CEP83: variants seen among roughly 807,000 people sequenced by gnomAD.
CEP83 encodes centrosomal protein of 83 kDa.
Under a neutral mutation model 101.9 loss-of-function variants are expected in CEP83, and 70 were observed. The observed-to-expected ratio is 0.69, with a 90% CI of 0.57 to 0.84. The LOEUF is 0.84. Among genes scored for constraint, CEP83 ranks in the 40% least tolerant of loss-of-function variants. CEP83 has a pLI of 0.00. For synonymous variants in CEP83, 264 were observed against 267.9 expected (o/e 0.99, Z 0.14); for missense variants, 715 against 787.2 (o/e 0.91, Z 1.10).
At chr12:94,394,501 A>G (rs1327894301) in intron 6 of CEP83, among the ~76,000 whole-genome samples, 1 of 152,234 alleles carries the variant, frequency 6.6e-6, no homozygotes, top group Non-Finnish European at 1.5e-5. Flanking sequence ...CTTAAATGTT[A>G]GACCTAAAAC....
At chr12:94,294,718 GAAGGA>G in the CEP83 span, among the ~76,000 whole-genome samples, 13 of 152,340 alleles carry the variant, frequency 8.5e-5, no homozygotes, top group East Asian at 1.9e-3. Context: ...ATCCCTGCAA[GAAGGA>G]AAGGAAACTA....
the CEP83 span, among the ~76,000 whole-genome samples, chr12:94,292,803 C>T: frequency 6.6e-6 from 1 of 152,194 alleles, no homozygotes; most frequent in Admixed American, 6.5e-5. Flanking sequence ...CTTGTGGCAC[C>T]ACGTTAGCAC....
chr12:94,355,102 C>CA (rs1429663311), intron 11 of CEP83, among the ~76,000 whole-genome samples: 1 of 151,916 alleles, frequency 6.6e-6, no homozygotes, highest in Non-Finnish European at 1.5e-5. Flanking sequence ...ACCACAAAAG[C>CA]AGAATTAAGA....
rs542274719 is a variant in CEP83 at position 94,370,034 on chromosome 12, T to C, written c.936A>G (p.Val312=). 62 of 1,545,314 alleles carry C rather than the reference T, an allele frequency of 4.0e-5. 1 individual carries two copies. In the South Asian group the frequency reaches 6.6e-4, roughly 17 times the overall value. ...EREINTLSSK[V]KELKHSNKLE... ...GTTTGTTTGAATGTTTAAGTTCTTT[T>C]ACCTGTTGATAATTAAAAACTGAAA... Residue 312 remains valine (V), a splice_region_variant and synonymous_variant, in exon 9 of 17, where the codon GTA becomes GTG. Coordinates refer to ENST00000397809, the MANE Select transcript of CEP83 (RefSeq NM_016122.3).
chr12:94,347,695 C>T (rs186094520), intron 11 of CEP83, among the ~76,000 whole-genome samples: 21 of 152,196 alleles, frequency 1.4e-4, no homozygotes, highest in Non-Finnish European at 2.2e-4. Context: ...AATCATATTA[C>T]GTTTATACAA....
At chr12:94,301,024 T>C in the CEP83 span, 19 of 1,613,818 alleles carry the variant, frequency 1.2e-5, no homozygotes, top group Non-Finnish European at 1.5e-5. Flanking sequence ...CATTCATGGA[T>C]GCATTTTCTC....
the CEP83 span, chr12:94,278,094 CTTCT>C: frequency 2.2e-6 from 1 of 455,474 alleles, no homozygotes; most frequent in African/African-American, 2.0e-5. Context: ...GAGCATCTTC[CTTCT>C]GTCTTCTCCC....
At chr12:94,289,899 C>G in the CEP83 span, among the ~76,000 whole-genome samples, 1 of 152,202 alleles carries the variant, frequency 6.6e-6, no homozygotes, top group Non-Finnish European at 1.5e-5. Flanking sequence ...TACACTTGCT[C>G]TTGGGAGATA....
intron 6 of CEP83, among the ~76,000 whole-genome samples, chr12:94,397,095 G>A (rs1244943646): frequency 1.3e-5 from 2 of 152,170 alleles, no homozygotes; most frequent in Non-Finnish European, 1.5e-5. Context: ...CAATTGGGAA[G>A]TAAAATGAAA....
At chr12:94,348,874 C>G (rs2060069336) in intron 11 of CEP83, among the ~76,000 whole-genome samples, 2 of 152,176 alleles carry the variant, frequency 1.3e-5, no homozygotes, top group Non-Finnish European at 2.9e-5. Context: ...AAAGTTTTGC[C>G]TCATCTGCCA....
At chr12:94,331,449 C>A (rs545128721) in intron 14 of CEP83, among the ~76,000 whole-genome samples, 1 of 130,660 alleles carries the variant, frequency 7.7e-6, no homozygotes, top group Admixed American at 9.2e-5. Context: ...TCACTATAAG[C>A]TCTGCCTCCC....
At chr12:94,384,231 A>C (rs924298676) in intron 6 of CEP83, among the ~76,000 whole-genome samples, 8 of 152,186 alleles carry the variant, frequency 5.3e-5, no homozygotes, top group African/African-American at 1.9e-4. Flanking sequence ...TTATGAGTTG[A>C]CAGTCCTTAT....
At chr12:94,362,662 C>A (rs758124919) in intron 11 of CEP83, among the ~76,000 whole-genome samples, 3 of 152,098 alleles carry the variant, frequency 2.0e-5, no homozygotes, top group Non-Finnish European at 4.4e-5. Flanking sequence ...AGAACTACCA[C>A]AGGACCCAGA....
intron 7 of CEP83, among the ~76,000 whole-genome samples, chr12:94,377,142 G>A (rs1160674782): frequency 1.3e-5 from 2 of 152,084 alleles, no homozygotes; most frequent in African/African-American, 4.8e-5. Flanking sequence ...TTATGATGGG[G>A]TTACATCCTG....
the CEP83 span, chr12:94,294,647 T>A: frequency 1.7e-6 from 1 of 595,886 alleles, no homozygotes; most frequent in African/African-American, 1.9e-5. Flanking sequence ...GAGTTGTTGC[T>A]ATGTAATTCT....
chr12:94,307,079 G>C (rs1008569364), downstream of CEP83: 7 of 152,122 alleles, frequency 4.6e-5, no homozygotes, highest in African/African-American at 1.2e-4. Context: ...AAACTCAAAG[G>C]ATCAGCTACA....
At chr12:94,305,286 G>T (rs1397418702), downstream of CEP83, 1 of 1,580,824 alleles carries the variant, frequency 6.3e-7, no homozygotes, top group African/African-American at 1.4e-5. Context: ...GTGGATGTAA[G>T]CACTCTGGGG....
At chr12:94,392,697 C>T (rs1206345261) in intron 6 of CEP83, among the ~76,000 whole-genome samples, 1 of 152,052 alleles carries the variant, frequency 6.6e-6, no homozygotes, top group African/African-American at 2.4e-5. Context: ...TCAATGAATC[C>T]AGGAGCTGGT....
chr12:94,433,450 G>A (rs2065785142), intron 2 of CEP83, among the ~76,000 whole-genome samples: 1 of 152,012 alleles, frequency 6.6e-6, no homozygotes, highest in Admixed American at 6.6e-5. Flanking sequence ...GGAGGTCAAG[G>A]CAGGCAGATG....
Sources: allele counts gnomAD v4.1 joint callset (sites outside exome capture counted in the v4.1 genomes callset), GRCh38; gene constraint gnomAD v4.1.1; transcripts MANE v1.5; gene names NCBI Gene and HGNC (gene_info 2026-07-23, HGNC 2026-07-21).